Variants in PCDHGA8 observed in about 807,000 individuals in gnomAD.
PCDHGA8 encodes the protein protocadherin gamma subfamily A, 8.
PCDHGA8 carries 45 observed loss-of-function variants against 59.2 expected under a neutral mutation model. The observed-to-expected ratio is 0.76, with a 90% CI of 0.60 to 0.98. PCDHGA8 has a LOEUF of 0.98. Among genes scored for constraint, PCDHGA8 ranks in the 50% least tolerant of loss-of-function variants. The pLI is 0.00. For missense variants in PCDHGA8, 1,257 were observed against 1,196.2 expected (o/e 1.05, Z -0.75); for synonymous variants, 531 against 519.0 (o/e 1.02, Z -0.32).
chr5:141,492,575 C>T (rs1213639439), intron 1 of PCDHGA8, among the ~76,000 whole-genome samples: 1 of 152,218 alleles, frequency 6.6e-6, no homozygotes, highest in South Asian at 2.1e-4. Flanking sequence ...GAGCGAGGCG[C>T]GGGGCCAGGA....
intron 1 of PCDHGA8, chr5:141,427,328 T>G (rs951396612): frequency 1.6e-4 from 74 of 457,122 alleles, no homozygotes; most frequent in Admixed American, 1.2e-3. Context: ...TGGTTTTTAC[T>G]TCAGTGTCCA....
rs747064148 is a variant in PCDHGA8, at chr5:141,395,059, T to C, written c.2246T>C (p.Phe749Ser). 1 of 1,614,180 alleles carries C rather than the reference T, an allele frequency of 6.2e-7. No individual in the cohort carries two copies. ...HFVGVEEVQA[F>S]LQTYSQEVSL... The stretch of plus-strand genomic sequence containing the variant: ...GTGGGTGTTGAGGAGGTACAGGCTT[T>C]CCTGCAGACCTATTCCCAGGAAGTC... Residue 749 changes from phenylalanine (F) to serine (S), a missense_variant, in exon 1 of 4, where the codon TTC becomes TCC. Transcript: ENST00000398604.
intron 1 of PCDHGA8, chr5:141,423,469 C>G: frequency 3.1e-6 from 5 of 1,613,948 alleles, no homozygotes; most frequent in Non-Finnish European, 4.2e-6. Flanking sequence ...GGACGGGGTA[C>G]AGGCTTTCCT....
Position 141,476,464 on chromosome 5 carries a change from G to A in PCDHGA8, c.2425-18343G>A, listed in dbSNP as rs745664477. On this transcript the variant is annotated intron_variant, in intron 1 of 3. Transcript: ENST00000398604. This position sits in a 1 kb window ranked among gnomAD's most constrained non-coding sequence, Gnocchi z 7.6. ...TGGAGTTGGTAGTGGAGAACCCGCT[G>A]GAGCTGTTCAGCGTGGAAGTGGTGA... 3 of 1,614,140 alleles carry A rather than the reference G, an allele frequency of 1.9e-6. No homozygotes were observed. Among genetic ancestry groups the A allele is most frequent in the Non-Finnish European group, 2.5e-6 (3 of 1,180,014 alleles).
At chr5:141,418,000 G>A (rs758811293) in intron 1 of PCDHGA8, 6 of 1,613,902 alleles carry the variant, frequency 3.7e-6, no homozygotes, top group Admixed American at 1.7e-5. Context: ...GCTCGGTGGT[G>A]GGGAACCTCG....
chr5:141,490,923 C>T lies in PCDHGA8; in HGVS notation c.2425-3884C>T. The T allele has an allele frequency of 6.2e-7, 1 of 1,613,668 alleles. No homozygotes were observed. Among genetic ancestry groups the T allele is most frequent in the South Asian group, 1.1e-5 (1 of 91,050 alleles). On this transcript the variant is annotated intron_variant, in intron 1 of 3. Coordinates refer to ENST00000398604, the MANE Select transcript of PCDHGA8 (RefSeq NM_032088.2). The surrounding 1 kb of genome is among the most constrained non-coding windows in gnomAD (Gnocchi z 5.4). ...TTGTCCTAGACGAGAATGATAATGC[C>T]CCAGCTGTGCTGCACCCACGGCCAG...
chr5:141,428,077 A>G (rs2097107152), intron 1 of PCDHGA8: 4 of 1,609,206 alleles, frequency 2.5e-6, no homozygotes, highest in South Asian at 1.1e-5. Flanking sequence ...GATTCGGGAC[A>G]CAACGCTTGG....
intron 1 of PCDHGA8, among the ~76,000 whole-genome samples, chr5:141,470,360 T>G (rs1554150725): frequency 6.6e-6 from 1 of 152,142 alleles, no homozygotes; most frequent in Non-Finnish European, 1.5e-5. Context: ...ATAGACACAT[T>G]AGGTTGAATG....
At chr5:141,428,186 CCGCTCTCTGCGCCGCTA>C (rs1167279209) in intron 1 of PCDHGA8, 1 of 1,460,956 alleles carries the variant, frequency 6.8e-7, no homozygotes, top group Admixed American at 1.8e-5. Context: ...AGGACAGCCG[CCGCTCTCTGCGCCGCTA>C]CGCTTCACCT....
intron 1 of PCDHGA8, chr5:141,420,085 C>T: frequency 1.2e-6 from 2 of 1,614,028 alleles, no homozygotes; most frequent in Middle Eastern, 1.6e-4. Context: ...GTCCCCCCAA[C>T]TACAGTGAGG....
intron 1 of PCDHGA8, chr5:141,471,461 T>C (rs1409374601): frequency 6.6e-6 from 1 of 152,194 alleles, no homozygotes; most frequent in Non-Finnish European, 1.5e-5. Flanking sequence ...GAAAGATTAC[T>C]CAGGTCTCTG....
chr5:141,403,482 A>C (rs764737675), intron 1 of PCDHGA8: 2 of 1,613,892 alleles, frequency 1.2e-6, no homozygotes, highest in Non-Finnish European at 1.7e-6. Flanking sequence ...CCCAATCACC[A>C]CTTCTCCCTG....
At chr5:141,488,207 TC>T (rs2099672969) in intron 1 of PCDHGA8, among the ~76,000 whole-genome samples, 1 of 152,216 alleles carries the variant, frequency 6.6e-6, no homozygotes, top group Non-Finnish European at 1.5e-5. Context: ...AGGACTCATA[TC>T]AAGTCCCTAC....
In PCDHGA8 at chr5:141,430,720, T is replaced by C. The variant is rs369549088; in HGVS notation, c.2424+35483T>C. On this transcript the variant is annotated intron_variant, in intron 1 of 3. Transcript: ENST00000398604. ...AAGGAACTGCTCCTGACTTCAGTGG[T>C]TAAGGGCAGAATTGAAAATAATTCT... The C allele has an allele frequency of 4.9e-4, 734 of 1,486,386 alleles. 1 individual carries two copies. Among genetic ancestry groups the C allele is most frequent in the Middle Eastern group, 9.1e-4 (5 of 5,506 alleles). The allele number at this position is 1,486,386 out of a possible 1,614,324, so 92.1% of individuals were successfully genotyped here.
intron 1 of PCDHGA8, chr5:141,404,610 T>G (rs1207198913): frequency 6.2e-7 from 1 of 1,614,130 alleles, no homozygotes. Context: ...CTGTTTGTTT[T>G]GGACCAGAAT....
Position 141,393,890 on chromosome 5 carries a change from T to C in PCDHGA8, c.1077T>C (p.Asn359=), listed in dbSNP as rs1207998765. ...ITSLFSPVLE[N]SLPGTVIAFL... ...CTTTGTTTAGCCCAGTGTTAGAAAA[T>C]TCTCTTCCCGGGACAGTAATTGCCT... The change falls in exon 1 of 4, where the codon AAT becomes AAC. Residue 359 remains asparagine, a synonymous_variant. Coordinates refer to ENST00000398604, the MANE Select transcript of PCDHGA8 (RefSeq NM_032088.2). 2 of 1,613,958 alleles carry C rather than the reference T, an allele frequency of 1.2e-6. No individual in the cohort carries two copies. The highest frequency in any genetic ancestry group is 2.2e-5 in the South Asian group (2 of 91,082).
At chr5:141,481,346 C>T (rs2099536003) in intron 1 of PCDHGA8, among the ~76,000 whole-genome samples, 1 of 152,248 alleles carries the variant, frequency 6.6e-6, no homozygotes, top group Non-Finnish European at 1.5e-5. Context: ...ATTATTTAAA[C>T]ATCTACAGCT....
chr5:141,399,336 T>C, intron 1 of PCDHGA8: 2 of 1,613,976 alleles, frequency 1.2e-6, no homozygotes, highest in Non-Finnish European at 1.7e-6. Context: ...TGGTAACAGA[T>C]GGAACCCTAG....
chr5:141,455,143 T>C (rs984886337), intron 1 of PCDHGA8, among the ~76,000 whole-genome samples: 1 of 149,894 alleles, frequency 6.7e-6, no homozygotes, highest in Non-Finnish European at 1.5e-5. Flanking sequence ...CTGTGTTAAA[T>C]AAATATTAGT....
Sources: allele counts gnomAD v4.1 joint callset (sites outside exome capture counted in the v4.1 genomes callset), GRCh38; gene constraint gnomAD v4.1.1; non-coding constraint Gnocchi (gnomAD v3.1); transcripts MANE v1.5; gene names NCBI Gene and HGNC (gene_info 2026-07-23, HGNC 2026-07-21).